The following FBXL7 variants were observed in gnomAD, a reference collection of about 807,000 sequenced individuals.
FBXL7 encodes the protein F-box/LRR-repeat protein 7.
In FBXL7, 12 loss-of-function variants were observed where a neutral mutation model predicts 38.3. The observed-to-expected ratio is 0.31, with a 90% CI of 0.20 to 0.51. FBXL7 has a LOEUF of 0.51. Ranked by LOEUF, FBXL7 falls within the 20% of genes least tolerant of loss-of-function variation. The probability of loss-of-function intolerance (pLI) is 0.98; values close to 1 mark genes in which losing one functional copy is unlikely to be tolerated. For missense variants in FBXL7, 567 were observed against 676.4 expected (o/e 0.84, Z 1.79); for synonymous variants, 297 against 300.9 (o/e 0.99, Z 0.13).
Position 15,936,550 on chromosome 5 carries a change from G to A in FBXL7, c.840G>A (p.Thr280=), listed in dbSNP as rs751663784. 8.5e-5 allele frequency: 137 copies of A among 1,613,248 alleles called. No homozygotes were observed. The highest frequency in any genetic ancestry group is 1.1e-4 in the Non-Finnish European group (132 of 1,179,900). The part of the protein sequence containing the change: ...KQISIRYLDM[T]DCFVLEDEGL... ...TTTCCATCCGCTACCTGGACATGAC[G>A]GACTGCTTCGTGCTGGAGGACGAAG... The change falls in exon 4 of 4, where the codon ACG becomes ACA. Residue 280 remains threonine (T), a synonymous_variant. Coordinates refer to ENST00000504595, the MANE Select transcript of FBXL7 (RefSeq NM_012304.5). The surrounding 1 kb of genome is among the most constrained non-coding windows in gnomAD (Gnocchi z 6.0).
intron 2 of FBXL7, among the ~76,000 whole-genome samples, chr5:15,746,232 A>G (rs1464324494): frequency 2.6e-5 from 4 of 152,212 alleles, no homozygotes; most frequent in Non-Finnish European, 5.9e-5. Context: ...CTACTTCTAG[A>G]CATGTTACCT....
At chr5:15,556,217 A>T (rs1316044688) in intron 1 of FBXL7, among the ~76,000 whole-genome samples, 1 of 151,972 alleles carries the variant, frequency 6.6e-6, no homozygotes, top group Non-Finnish European at 1.5e-5. Context: ...TGGGAGTTGG[A>T]GGCCCCGGAA....
intron 2 of FBXL7, among the ~76,000 whole-genome samples, chr5:15,617,819 T>A (rs1480912578): frequency 6.6e-6 from 1 of 152,208 alleles, no homozygotes; most frequent in Non-Finnish European, 1.5e-5. Context: ...TCCTCTCTAG[T>A]CAGAAATCTG....
intron 2 of FBXL7, among the ~76,000 whole-genome samples, chr5:15,683,482 GC>G (rs1251583687): frequency 6.6e-6 from 1 of 152,146 alleles, no homozygotes; most frequent in Non-Finnish European, 1.5e-5. Flanking sequence ...ACTGCATCTG[GC>G]CCTAGGTCCC....
At chr5:15,745,665 C>T (rs188918219) in intron 2 of FBXL7, among the ~76,000 whole-genome samples, 17 of 152,214 alleles carry the variant, frequency 1.1e-4, no homozygotes, top group African/African-American at 3.1e-4. Context: ...AATTCAAAAG[C>T]GCCTAATACA....
intron 2 of FBXL7, among the ~76,000 whole-genome samples, chr5:15,660,810 C>T (rs554618193): frequency 6.6e-6 from 1 of 152,308 alleles, no homozygotes; most frequent in East Asian, 1.9e-4. Context: ...CCAAGGTGGG[C>T]TGTTAAGATG....
At chr5:15,812,515 A>T (rs889946873) in intron 2 of FBXL7, among the ~76,000 whole-genome samples, 22 of 152,184 alleles carry the variant, frequency 1.4e-4, no homozygotes, top group African/African-American at 5.1e-4. Context: ...TTTTAAAAAA[A>T]TTTTAAAAAT....
intron 2 of FBXL7, among the ~76,000 whole-genome samples, chr5:15,665,392 G>A (rs74330253): frequency 0.026 from 3,929 of 152,126 alleles, 84 homozygotes; most frequent in East Asian, 0.054. Flanking sequence ...CTATCTATAC[G>A]GTGGCCACTT....
At chr5:15,755,550 A>C (rs536423506) in intron 2 of FBXL7, among the ~76,000 whole-genome samples, 1 of 152,216 alleles carries the variant, frequency 6.6e-6, no homozygotes, top group South Asian at 2.1e-4. Flanking sequence ...CTGCACACCA[A>C]CAATTATATC....
intron 2 of FBXL7, among the ~76,000 whole-genome samples, chr5:15,819,043 C>G (rs1394722945): frequency 1.3e-5 from 2 of 152,050 alleles, no homozygotes; most frequent in Non-Finnish European, 2.9e-5. Context: ...ATAGGGAAGC[C>G]AATTAGCTAA....
At chr5:15,516,603 G>A (rs554589147) in intron 1 of FBXL7, among the ~76,000 whole-genome samples, 15 of 152,276 alleles carry the variant, frequency 9.9e-5, no homozygotes, top group South Asian at 4.1e-4. Flanking sequence ...AACTTGAATT[G>A]TAGTTCCCAT....
Position 15,894,639 on chromosome 5 carries a change from A to G in FBXL7, c.128-33251A>G, listed in dbSNP as rs569248424. 2.0e-5 allele frequency among the ~76,000 whole-genome samples: 3 copies of G among 152,322 alleles called. No individual in the cohort carries two copies. The South Asian group carries it at 6.2e-4, about 32-fold the overall frequency. On this transcript the variant is annotated intron_variant, in intron 2 of 3. Coordinates refer to ENST00000504595, the MANE Select transcript of FBXL7 (RefSeq NM_012304.5). ...TACTGATGTCTATGGGAGTTACCTA[A>G]AAGATTCCTTCTAAGGAGAATATTC... is the stretch of plus-strand genomic sequence containing the variant.
chr5:15,916,518 A>G (rs1741589245), intron 2 of FBXL7, among the ~76,000 whole-genome samples: 1 of 152,222 alleles, frequency 6.6e-6, no homozygotes, highest in South Asian at 2.1e-4. Context: ...ACATCAGTGT[A>G]TAAGTTGTAT....
intron 2 of FBXL7, among the ~76,000 whole-genome samples, chr5:15,713,995 A>T (rs1743962322): frequency 6.6e-6 from 1 of 152,246 alleles, no homozygotes; most frequent in East Asian, 1.9e-4. Context: ...TAATTCCTAG[A>T]ATCTGTGACT....
intron 2 of FBXL7, among the ~76,000 whole-genome samples, chr5:15,689,195 C>A (rs1245276734): frequency 1.3e-5 from 2 of 152,016 alleles, no homozygotes; most frequent in Admixed American, 1.3e-4. Context: ...AGTTTTCTTC[C>A]TTCTTGTTCC....
At chr5:15,627,475 A>G (rs73070922) in intron 2 of FBXL7, among the ~76,000 whole-genome samples, 138 of 152,234 alleles carry the variant, frequency 9.1e-4, no homozygotes, top group African/African-American at 3.1e-3. Context: ...CTTCAAAACA[A>G]CCACCTCCCT....
At chr5:15,533,539 A>G (rs1055789829) in intron 1 of FBXL7, among the ~76,000 whole-genome samples, 2 of 152,190 alleles carry the variant, frequency 1.3e-5, no homozygotes, top group South Asian at 4.1e-4. Flanking sequence ...TAAAAAAAGA[A>G]CTGATTGAAT....
chr5:15,713,824 G>C (rs1743955754), intron 2 of FBXL7, among the ~76,000 whole-genome samples: 1 of 152,196 alleles, frequency 6.6e-6, no homozygotes, highest in Non-Finnish European at 1.5e-5. Flanking sequence ...AGAAGAATTA[G>C]GAAATGTGGA....
At chr5:15,806,163 A>T (rs2126747078) in intron 2 of FBXL7, among the ~76,000 whole-genome samples, 1 of 152,328 alleles carries the variant, frequency 6.6e-6, no homozygotes, top group Non-Finnish European at 1.5e-5. Context: ...TTTAAAACTT[A>T]ACTCTTTTGT....
Sources: allele counts gnomAD v4.1 joint callset (sites outside exome capture counted in the v4.1 genomes callset), GRCh38; gene constraint gnomAD v4.1.1; non-coding constraint Gnocchi (gnomAD v3.1); transcripts MANE v1.5; gene names NCBI Gene and HGNC (gene_info 2026-07-23, HGNC 2026-07-21).